Variants in CTNND2 observed in about 807,000 individuals in gnomAD.
The protein encoded by CTNND2 is catenin delta-2.
A neutral mutation model predicts 144.4 loss-of-function variants in CTNND2; 22 were observed. The observed-to-expected ratio is 0.15, with a 90% CI of 0.11 to 0.22. CTNND2 has a LOEUF of 0.22. Among genes scored for constraint, CTNND2 ranks in the 10% least tolerant of loss-of-function variants. CTNND2 has a pLI of 1.00. For missense variants in CTNND2, 1,353 were observed against 1,618.8 expected, an observed-to-expected ratio of 0.84 and a Z score of 2.82; for synonymous variants, 751 against 695.6, an observed-to-expected ratio of 1.08 and a Z score of -1.25.
intron 1 of CTNND2, among the ~76,000 whole-genome samples, chr5:11,860,475 G>A (rs751400201): frequency 8.5e-5 from 13 of 152,094 alleles, no homozygotes; most frequent in South Asian, 2.1e-4. Context: ...AAATTTCACC[G>A]TTTTAGTATC....
intron 1 of CTNND2, among the ~76,000 whole-genome samples, chr5:11,882,622 A>C (rs149533516): frequency 2.6e-5 from 4 of 152,202 alleles, no homozygotes; most frequent in African/African-American, 9.6e-5. Context: ...CCAGAAGTAC[A>C]TGGATTTATT....
chr5:11,874,131 C>T (rs559518223), intron 1 of CTNND2, among the ~76,000 whole-genome samples: 1 of 152,150 alleles, frequency 6.6e-6, no homozygotes, highest in African/African-American at 2.4e-5. Context: ...GAAGTCCCAT[C>T]CTAGTTTTAA....
chr5:11,760,575 GA>G (rs1381021202), intron 1 of CTNND2, among the ~76,000 whole-genome samples: 1 of 152,098 alleles, frequency 6.6e-6, no homozygotes, highest in Non-Finnish European at 1.5e-5. Flanking sequence ...AAAGGCAAAG[GA>G]AAAATTATAA....
At chr5:11,660,449 G>T (rs1783135756) in intron 2 of CTNND2, among the ~76,000 whole-genome samples, 1 of 152,122 alleles carries the variant, frequency 6.6e-6, no homozygotes, top group Non-Finnish European at 1.5e-5. Context: ...AGGCTGGTAA[G>T]ATGCCTAATG....
intron 2 of CTNND2, among the ~76,000 whole-genome samples, chr5:11,612,953 C>T (rs1336245552): frequency 6.6e-6 from 1 of 152,048 alleles, no homozygotes; most frequent in African/African-American, 2.4e-5. Flanking sequence ...TCATCATTCT[C>T]CAGGAGTAAT....
At chr5:11,547,320 T>G (rs912232444) in intron 3 of CTNND2, among the ~76,000 whole-genome samples, 12 of 132,204 alleles carry the variant, frequency 9.1e-5, no homozygotes, top group East Asian at 2.3e-4. Flanking sequence ...AATAAATAAA[T>G]AAAGTAAAAA....
intron 9 of CTNND2, among the ~76,000 whole-genome samples, chr5:11,329,181 A>C (rs1052047744): frequency 6.6e-6 from 1 of 152,096 alleles, no homozygotes; most frequent in Non-Finnish European, 1.5e-5. Flanking sequence ...TTTGAGACAG[A>C]GTCTTGCTCT....
intron 12 of CTNND2, among the ~76,000 whole-genome samples, chr5:11,128,804 TACAA>T (rs370500362): frequency 1.7e-4 from 3 of 17,798 alleles, no homozygotes; most frequent in East Asian, 2.0e-3. Flanking sequence ...ATTATATATA[TACAA>T]TATATATAAT....
chr5:11,811,332 G>A (rs991152313), intron 1 of CTNND2, among the ~76,000 whole-genome samples: 9 of 152,066 alleles, frequency 5.9e-5, no homozygotes, highest in African/African-American at 1.4e-4. Flanking sequence ...ACCACCTCCC[G>A]TGCTCGGTAT....
intron 11 of CTNND2, among the ~76,000 whole-genome samples, chr5:11,183,248 T>C (rs1473358880): frequency 1.3e-5 from 2 of 152,226 alleles, no homozygotes; most frequent in Non-Finnish European, 2.9e-5. Flanking sequence ...AAATGATCCA[T>C]GTTCATCTCA....
chr5:11,318,303 G>A (rs1470095905), intron 9 of CTNND2, among the ~76,000 whole-genome samples: 1 of 152,046 alleles, frequency 6.6e-6, no homozygotes, highest in Non-Finnish European at 1.5e-5. Context: ...CCTCAGAGGA[G>A]GCCTGACTCA....
At chr5:11,374,729 C>G (rs183438586) in intron 7 of CTNND2, among the ~76,000 whole-genome samples, 1 of 148,758 alleles carries the variant, frequency 6.7e-6, no homozygotes, top group Non-Finnish European at 1.5e-5. Flanking sequence ...TGGATCACTA[C>G]GAATATTTCC....
intron 16 of CTNND2, among the ~76,000 whole-genome samples, chr5:11,082,453 T>C (rs956191090): frequency 2.2e-4 from 33 of 152,222 alleles, no homozygotes; most frequent in African/African-American, 2.2e-4. Flanking sequence ...GTGCCGAGCA[T>C]TGAGGTTCTT....
intron 3 of CTNND2, among the ~76,000 whole-genome samples, chr5:11,554,323 G>A (rs916313223): frequency 3.3e-5 from 5 of 152,058 alleles, no homozygotes; most frequent in African/African-American, 1.2e-4. Flanking sequence ...AAGAATGTTC[G>A]CATCCCTAGG....
At chr5:11,565,249 AATTC>A (rs1205670835) in intron 2 of CTNND2, among the ~76,000 whole-genome samples, 193 bp from the exon 3 acceptor site, 1 of 152,258 alleles carries the variant, frequency 6.6e-6, no homozygotes, top group Non-Finnish European at 1.5e-5. Context: ...TGAATAAGTT[AATTC>A]ATGTAAGTAT....
chr5:11,666,812 C>T (rs140095402), intron 2 of CTNND2, among the ~76,000 whole-genome samples: 1,982 of 152,074 alleles, frequency 0.013, 34 homozygotes, highest in Non-Finnish European at 0.018. Flanking sequence ...GGCACATGTG[C>T]AGAATGTACA....
chr5:11,813,752 G>A (rs574665916), intron 1 of CTNND2, among the ~76,000 whole-genome samples: 1 of 152,098 alleles, frequency 6.6e-6, no homozygotes, highest in Non-Finnish European at 1.5e-5. Context: ...GGCCTCAAGC[G>A]ATCCTTCAGC....
At chr5:11,211,893 C>T (rs758830444) in intron 10 of CTNND2, among the ~76,000 whole-genome samples, 5 of 151,600 alleles carry the variant, frequency 3.3e-5, no homozygotes, top group Admixed American at 6.6e-5. Context: ...ATAGAAATGT[C>T]GAGAAAATTT....
chr5:11,098,495 C>T, intron 15 of CTNND2, 80 bp downstream of exon 15: 1 of 1,289,848 alleles, frequency 7.8e-7, no homozygotes, highest in South Asian at 1.6e-5. Flanking sequence ...AGTTGCATTT[C>T]TCAAAACTGG....
Sources: gnomAD v4.1 joint callset for allele counts (sites outside exome capture counted in the v4.1 genomes callset) on GRCh38, gnomAD v4.1.1 for gene constraint, MANE v1.5 for transcripts, NCBI Gene and HGNC (gene_info 2026-07-23, HGNC 2026-07-21) for gene names.